GABRR2: variants seen among roughly 807,000 people sequenced by gnomAD.
GABRR2 encodes gamma-aminobutyric acid receptor subunit rho-2.
Under a neutral mutation model 47.0 loss-of-function variants are expected in GABRR2, and 36 were observed. The ratio of observed to expected loss-of-function variants is 0.77; its 90% CI spans 0.59 to 1.01. GABRR2 has a LOEUF of 1.01. GABRR2 is among the 50% of genes least tolerant of loss of function. GABRR2 has a pLI of 0.00. For missense variants in GABRR2, 587 were observed against 594.6 expected (o/e 0.99, Z 0.13); for synonymous variants, 204 against 227.5 (o/e 0.90, Z 0.93).
At position 89,308,300 on chromosome 6, in the gene GABRR2, A is replaced by T. The variant is rs1209971746; in HGVS notation, c.113+6753T>A. On this transcript the variant is annotated intron_variant, in intron 1 of 8. Coordinates refer to ENST00000402938, the MANE Select transcript of GABRR2 (RefSeq NM_002043.5). ...GAGGCCTAAAGCTGCACTGATCAAT[A>T]AAGTGGCCACTAGACACATATGGCT... Among the ~76,000 whole-genome samples, 3 of 152,186 alleles carry T rather than the reference A, an allele frequency of 2.0e-5. No individual in the cohort carries two copies. The South Asian group carries it at 6.2e-4, about 31-fold the overall frequency.
intron 2 of GABRR2, among the ~76,000 whole-genome samples, chr6:89,285,869 G>A (rs934638275): frequency 5.9e-5 from 9 of 151,802 alleles, no homozygotes; most frequent in Admixed American, 3.9e-4. Flanking sequence ...CCTAGGCCTC[G>A]GCCTCTTTGA....
chr6:89,272,243 C>T (rs1330486871), intron 2 of GABRR2, among the ~76,000 whole-genome samples: 3 of 152,234 alleles, frequency 2.0e-5, no homozygotes, highest in African/African-American at 7.2e-5. Flanking sequence ...CAGGGTGAGA[C>T]AAGATCTTCT....
intron 8 of GABRR2, among the ~76,000 whole-genome samples, chr6:89,262,982 C>G (rs1263528674): frequency 6.6e-6 from 1 of 152,226 alleles, no homozygotes; most frequent in East Asian, 1.9e-4. Context: ...AAGACTGCCT[C>G]CCTGTGCCAA....
At chr6:89,268,681 AT>A (rs1185155835) in intron 4 of GABRR2, among the ~76,000 whole-genome samples, 10 of 150,364 alleles carry the variant, frequency 6.7e-5, no homozygotes, top group Admixed American at 5.3e-4. Context: ...TTTTTAATCT[AT>A]TTTTTTAAAA....
chr6:89,283,084 T>C (rs1233913599), intron 2 of GABRR2, among the ~76,000 whole-genome samples: 1 of 152,254 alleles, frequency 6.6e-6, no homozygotes, highest in Non-Finnish European at 1.5e-5. Flanking sequence ...TTTTCATTTT[T>C]ATTTCTCTAA....
rs1774285764 is a variant in GABRR2, at chr6:89,283,495, T to C, written c.221-11773A>G. Among the ~76,000 whole-genome samples the C allele has an allele frequency of 2.6e-5, 4 of 152,218 alleles. No individual in the cohort carries two copies. In the South Asian group the frequency reaches 8.3e-4, roughly 32 times the overall value. ...TATGAGCTGATAGATTCCCAAGATA[T>C]AGTGCTAAGTAAAAAAAACCAATGT... On this transcript the variant is annotated intron_variant, in intron 2 of 8. Transcript: ENST00000402938.
At chr6:89,265,266 A>G (rs1488903604) in intron 7 of GABRR2, among the ~76,000 whole-genome samples, 2 of 152,138 alleles carry the variant, frequency 1.3e-5, no homozygotes, top group African/African-American at 4.8e-5. Context: ...AAACACGGCC[A>G]GCAAATGAAG....
intron 2 of GABRR2, among the ~76,000 whole-genome samples, chr6:89,299,097 C>T (rs567460607): frequency 3.9e-5 from 6 of 152,274 alleles, no homozygotes; most frequent in South Asian, 2.1e-4. Context: ...AGACACTGTC[C>T]ACCTTCTCCA....
intron 2 of GABRR2, among the ~76,000 whole-genome samples, chr6:89,280,935 C>T (rs1285781409): frequency 1.3e-5 from 2 of 152,216 alleles, no homozygotes; most frequent in Admixed American, 6.5e-5. Context: ...CACAAGGCTT[C>T]GCCTTAGGAT....
At chr6:89,279,682 TA>T (rs199765709) in intron 2 of GABRR2, among the ~76,000 whole-genome samples, 20,933 of 129,756 alleles carry the variant, frequency 0.16, 1,663 homozygotes, top group East Asian at 0.42. Context: ...CAAAAAAAGT[TA>T]AAAAAAAAAA....
At position 89,264,479 on chromosome 6, in the gene GABRR2, A is replaced by G; in HGVS notation, c.1019T>C (p.Leu340Pro). 6.2e-7 allele frequency: 1 copy of G among 1,614,072 alleles called. No homozygotes were observed. Among genetic ancestry groups the G allele is most frequent in the Non-Finnish European group, 8.5e-7 (1 of 1,179,982 alleles). Residue 340 changes from leucine to proline, a missense_variant, in exon 8 of 9, where the codon CTG becomes CCG. Transcript: ENST00000402938. ...CAGGTAGTTGACAGCCGCATACTCC[A>G]GCACCGAGAGGAACACGAACACAAA... ...VSFVFVFLSVLEYAAVNYLTT... is the reference protein window; with the variant it reads ...VSFVFVFLSVPEYAAVNYLTT...
chr6:89,271,791 T>G, intron 2 of GABRR2, 69 bp from the exon 3 acceptor site: 1 of 1,385,270 alleles, frequency 7.2e-7, no homozygotes, highest in Non-Finnish European at 1.0e-6. Context: ...ACAGCCCCAG[T>G]TGGCTTCCCC....
intron 1 of GABRR2, among the ~76,000 whole-genome samples, chr6:89,309,505 T>C (rs58960275): frequency 0.052 from 7,887 of 152,248 alleles, 326 homozygotes; most frequent in African/African-American, 0.11. Flanking sequence ...TCTCAATTCA[T>C]GCAAAATGCA....
chr6:89,268,909 A>C (rs1247820811), intron 4 of GABRR2, 102 bp downstream of exon 4: 2 of 1,006,548 alleles, frequency 2.0e-6, no homozygotes, highest in African/African-American at 3.2e-5. Flanking sequence ...CCATCCACGA[A>C]CCCACAGACC....
intron 2 of GABRR2, among the ~76,000 whole-genome samples, chr6:89,285,009 G>GT (rs1365793235): frequency 1.3e-5 from 2 of 152,110 alleles, no homozygotes; most frequent in Admixed American, 1.3e-4. Context: ...ACACAGCCCC[G>GT]TATCCCTCTC....
chr6:89,298,932 G>A (rs1232964628), intron 2 of GABRR2, among the ~76,000 whole-genome samples: 1 of 152,148 alleles, frequency 6.6e-6, no homozygotes, highest in Non-Finnish European at 1.5e-5. Context: ...ACAGTGAGAA[G>A]GCACCGTCTA....
At position 89,262,585 on chromosome 6, in the gene GABRR2, A is replaced by G. The variant is rs917965665; in HGVS notation, c.1086+1827T>C. Among the ~76,000 whole-genome samples, 15 of 152,202 alleles carry G rather than the reference A, an allele frequency of 9.9e-5. No homozygotes were observed. The East Asian group carries it at 1.2e-3, about 12-fold the overall frequency. ...GATTTTTTTAAAGTTAACAGAGACA[A>G]TGTGGAAATACTTGATAGGTATAAT... On this transcript the variant is annotated intron_variant, in intron 8 of 8. Coordinates refer to ENST00000402938, the MANE Select transcript of GABRR2 (RefSeq NM_002043.5).
At chr6:89,281,751 GCTGGC>G (rs1454698594) in intron 2 of GABRR2, among the ~76,000 whole-genome samples, 5 of 152,236 alleles carry the variant, frequency 3.3e-5, no homozygotes, top group African/African-American at 1.2e-4. Flanking sequence ...ATCCTTGCTT[GCTGGC>G]TGGTCTCTGC....
intron 4 of GABRR2, among the ~76,000 whole-genome samples, chr6:89,268,654 G>T (rs1428563952): frequency 1.7e-5 from 1 of 59,284 alleles, no homozygotes; most frequent in Non-Finnish European, 3.6e-5. Flanking sequence ...TTTTTTGGGG[G>T]ACGGGGGGGG....
Sources: allele counts gnomAD v4.1 joint callset (sites outside exome capture counted in the v4.1 genomes callset), GRCh38; gene constraint gnomAD v4.1.1; transcripts MANE v1.5; gene names NCBI Gene and HGNC (gene_info 2026-07-23, HGNC 2026-07-21).